Variants in ZBTB20 observed in about 807,000 individuals in gnomAD.
ZBTB20 encodes the protein zinc finger and BTB domain-containing protein 20.
A neutral mutation model predicts 56.9 loss-of-function variants in ZBTB20; 9 were observed. The observed-to-expected ratio is 0.16, with a 90% confidence interval of 0.10 to 0.28. ZBTB20 has a LOEUF of 0.28. ZBTB20 is among the 10% of genes least tolerant of loss of function. The probability of loss-of-function intolerance (pLI) is 1.00; values close to 1 mark genes in which losing one functional copy is unlikely to be tolerated. For synonymous variants in ZBTB20, 417 were observed against 420.7 expected (o/e 0.99, Z 0.11); for missense variants, 655 against 1,003.0 (o/e 0.65, Z 4.69).
chr3:114,813,341 G>A (rs775760921), intron 4 of ZBTB20, among the ~76,000 whole-genome samples: 16 of 152,212 alleles, frequency 1.1e-4, no homozygotes, highest in Non-Finnish European at 8.8e-5. Flanking sequence ...TGTTCCTGTG[G>A]AATGGTATTT....
chr3:114,502,758 C>T (rs1252537184), intron 6 of ZBTB20: 2 of 151,944 alleles, frequency 1.3e-5, no homozygotes, highest in Non-Finnish European at 2.9e-5. Context: ...CCCTCCCTCT[C>T]TCCTTTCTTC....
chr3:114,573,887 T>C (rs1314438904), intron 6 of ZBTB20, among the ~76,000 whole-genome samples: 3 of 152,158 alleles, frequency 2.0e-5, no homozygotes, highest in East Asian at 1.9e-4. Context: ...TTTTCAAGCA[T>C]TAAGAAAGTT....
chr3:114,653,974 T>C (rs927319131), intron 6 of ZBTB20, among the ~76,000 whole-genome samples: 2 of 152,002 alleles, frequency 1.3e-5, no homozygotes, highest in African/African-American at 4.8e-5. Context: ...CTCTCATTAC[T>C]GATATTCATA....
rs980169634 is a variant in ZBTB20 at position 114,981,745 on chromosome 3, T to A, written c.-506-7329A>T. Among the ~76,000 whole-genome samples, 5 of 152,048 alleles carry A rather than the reference T, an allele frequency of 3.3e-5. No individual in the cohort carries two copies. In the South Asian group the frequency reaches 8.3e-4, roughly 25 times the overall value. On this transcript the variant is annotated intron_variant, in intron 2 of 11. Transcript: ENST00000675478. ...AGTAATTTGCCAAAGGACACCCTTT[T>A]ACTGAGCGGCAGAACCAGGATTTAT...
intron 1 of ZBTB20, among the ~76,000 whole-genome samples, chr3:115,098,194 C>T (rs1245138861): frequency 6.6e-6 from 1 of 152,006 alleles, no homozygotes. Context: ...TGTATGACTT[C>T]GTGTCATACA....
At chr3:114,660,890 G>C (rs1258748602) in intron 6 of ZBTB20, among the ~76,000 whole-genome samples, 1 of 152,022 alleles carries the variant, frequency 6.6e-6, no homozygotes, top group Non-Finnish European at 1.5e-5. Flanking sequence ...GTGGATGGGG[G>C]GTGGAGAGAG....
At chr3:114,595,630 G>A (rs2056250179) in intron 6 of ZBTB20, among the ~76,000 whole-genome samples, 1 of 152,148 alleles carries the variant, frequency 6.6e-6, no homozygotes, top group Non-Finnish European at 1.5e-5. Context: ...GTATTCCCTT[G>A]GATATCTGGA....
chr3:114,591,530 A>G (rs1352399389), intron 6 of ZBTB20, among the ~76,000 whole-genome samples: 1 of 152,202 alleles, frequency 6.6e-6, no homozygotes, highest in Non-Finnish European at 1.5e-5. Context: ...ATATGTGGAA[A>G]AAAGAAGACA....
chr3:114,827,920 C>T (rs965274418), intron 4 of ZBTB20, among the ~76,000 whole-genome samples: 1 of 151,688 alleles, frequency 6.6e-6, no homozygotes, highest in African/African-American at 2.4e-5. Context: ...ACTGATAGTA[C>T]ACTTGTGAGT....
intron 6 of ZBTB20, among the ~76,000 whole-genome samples, chr3:114,577,552 T>A (rs1171756758): frequency 6.6e-6 from 1 of 152,162 alleles, no homozygotes. Flanking sequence ...AAGCAGCCCA[T>A]GGTGCTGAAG....
In ZBTB20 at chr3:114,945,278, T is replaced by C. The variant is rs765122361; in HGVS notation, c.-456+29088A>G. 1.2e-4 allele frequency among the ~76,000 whole-genome samples: 18 copies of C among 145,394 alleles called. 2 individuals carry two copies. Among genetic ancestry groups the C allele is most frequent in the Non-Finnish European group, 2.2e-4 (15 of 67,490 alleles). On this transcript the variant is annotated intron_variant, in intron 3 of 11. Coordinates refer to ENST00000675478, the MANE Select transcript of ZBTB20 (RefSeq NM_001348800.3). Reference sequence around the variant, plus strand: ...GAAAGATTCATACTATAAAGAATACTAATAGGTATCTTTCAAGTAAAAGGA... The same window carrying C: ...GAAAGATTCATACTATAAAGAATACCAATAGGTATCTTTCAAGTAAAAGGA...
chr3:114,852,380 C>T (rs1030561108), intron 4 of ZBTB20, among the ~76,000 whole-genome samples: 2 of 152,078 alleles, frequency 1.3e-5, no homozygotes, highest in African/African-American at 4.8e-5. Context: ...TCTCCTGCCT[C>T]AGTCTACCGA....
chr3:114,981,715 G>C (rs1308980308), intron 2 of ZBTB20, among the ~76,000 whole-genome samples: 1 of 152,010 alleles, frequency 6.6e-6, no homozygotes, highest in Non-Finnish European at 1.5e-5. Flanking sequence ...GGAACAGAGG[G>C]AGTAAGTAAT....
rs112513007 is a variant in ZBTB20, at chr3:114,438,451, C to A, written c.-254-49346G>T. On this transcript the variant is annotated intron_variant, in intron 7 of 11. Transcript: ENST00000675478. Reference sequence around the variant, plus strand: ...CAAAAAAAACCAAAAAAAAACAAAACAAAACTTGGCTGAGACAGCTATAGA... The same window carrying A: ...CAAAAAAAACCAAAAAAAAACAAAAAAAAACTTGGCTGAGACAGCTATAGA... Among the ~76,000 whole-genome samples the A allele has an allele frequency of 8.7e-3, 1,239 of 141,966 alleles. 27 individuals are homozygous for A. The highest frequency in any genetic ancestry group is 0.03 in the African/African-American group (1,159 of 38,604). 93.1% of individuals were successfully genotyped at this position (141,966 alleles called of 152,430 possible). A position where few individuals can be genotyped will look rare whatever the true frequency, so the allele number is the denominator to read the frequency against.
chr3:114,610,624 A>C (rs951384082), intron 6 of ZBTB20, among the ~76,000 whole-genome samples: 1 of 152,216 alleles, frequency 6.6e-6, no homozygotes. Flanking sequence ...TATTTTCCAC[A>C]TTAGAAACTC....
intron 5 of ZBTB20, among the ~76,000 whole-genome samples, chr3:114,763,172 C>A (rs2068551676): frequency 6.6e-6 from 1 of 152,020 alleles, no homozygotes; most frequent in Non-Finnish European, 1.5e-5. Flanking sequence ...AAGTGATGAT[C>A]AATATAATGG....
At chr3:115,111,400 T>G (rs1405319348) in intron 1 of ZBTB20, among the ~76,000 whole-genome samples, 1 of 152,176 alleles carries the variant, frequency 6.6e-6, no homozygotes, top group Non-Finnish European at 1.5e-5. Flanking sequence ...AATACATACC[T>G]CTTATGATGT....
At chr3:114,527,683 C>G (rs1217036200) in intron 6 of ZBTB20, among the ~76,000 whole-genome samples, 2 of 152,066 alleles carry the variant, frequency 1.3e-5, no homozygotes, top group Non-Finnish European at 2.9e-5. Flanking sequence ...ATATATTTAC[C>G]AGTAATTGCA....
chr3:115,033,765 C>A (rs2080802473), intron 2 of ZBTB20, among the ~76,000 whole-genome samples: 2 of 151,730 alleles, frequency 1.3e-5, no homozygotes, highest in South Asian at 4.1e-4. Flanking sequence ...GCCTGTATTA[C>A]CCTGATGCCA....
Sources: allele counts gnomAD v4.1 joint callset (sites outside exome capture counted in the v4.1 genomes callset), GRCh38; gene constraint gnomAD v4.1.1; transcripts MANE v1.5; gene names NCBI Gene and HGNC (gene_info 2026-07-23, HGNC 2026-07-21).